MYRF: variants seen among roughly 807,000 people sequenced by gnomAD.
MYRF encodes the protein myelin regulatory factor.
In MYRF, 16 loss-of-function variants were observed where a neutral mutation model predicts 126.3. The observed-to-expected ratio is 0.13, with a 90% CI of 0.09 to 0.19. The LOEUF is 0.19. Among genes scored for constraint, MYRF ranks in the 10% least tolerant of loss-of-function variants. MYRF has a pLI of 1.00. For missense variants in MYRF, 1,104 were observed against 1,547.0 expected (o/e 0.71, Z 4.80); for synonymous variants, 608 against 635.3 (o/e 0.96, Z 0.65).
At chr11:61,760,442 C>T (rs984659472) in intron 1 of MYRF, among the ~76,000 whole-genome samples, 2 of 152,172 alleles carry the variant, frequency 1.3e-5, no homozygotes, top group African/African-American at 4.8e-5. Flanking sequence ...GGCTGACCCA[C>T]TGGAAGGGAT....
chr11:61,769,121 C>T (rs1389962787), intron 3 of MYRF, 139 bp from the exon 4 acceptor site: 3 of 612,696 alleles, frequency 4.9e-6, no homozygotes, highest in East Asian at 5.6e-5. Flanking sequence ...GGAGAAATGC[C>T]CCTAAGGGTG....
intron 7 of MYRF, among the ~76,000 whole-genome samples, chr11:61,773,694 GGT>G (rs2135808848): frequency 6.6e-6 from 1 of 152,274 alleles, no homozygotes; most frequent in South Asian, 2.1e-4. Flanking sequence ...TGGGCCTCAG[GGT>G]CTGGCCCTGC....
At chr11:61,755,505 C>G in intron 1 of MYRF, 2 of 1,580,588 alleles carry the variant, frequency 1.3e-6, no homozygotes, top group Non-Finnish European at 1.7e-6. Flanking sequence ...CGGGACAGGG[C>G]AGTGTCTGAG....
intron 1 of MYRF, among the ~76,000 whole-genome samples, chr11:61,765,176 G>T (rs892789315): frequency 3.3e-5 from 5 of 152,194 alleles, no homozygotes; most frequent in Non-Finnish European, 5.9e-5. Flanking sequence ...GTGCCTGTTG[G>T]GTCCGAGCCA....
rs953486541 is a variant in MYRF at position 61,772,978 on chromosome 11, C to T, written c.1116-989C>T. Among the ~76,000 whole-genome samples the T allele has an allele frequency of 6.0e-5, 9 of 150,834 alleles. No individual in the cohort carries two copies. In the East Asian group the frequency reaches 9.8e-4, roughly 16 times the overall value. ...GTGCCTGGGGACCTGAGTGAGGGTG[C>T]GCTAAGCCACAGGCCAACAGTTGCT... is the stretch of plus-strand genomic sequence containing the variant. On this transcript the variant is annotated intron_variant, in intron 7 of 26. Transcript: ENST00000278836.
Position 61,776,242 on chromosome 11 carries a change from G to C in MYRF, c.1389-80G>C. ...CCAGGGTGTCCGCCTCATGTACGTT[G>C]CTGGCCTGGGTGCCCCTCAGTGGCG... On this transcript the variant is annotated intron_variant, in intron 9 of 26. Transcript: ENST00000278836. The surrounding 1 kb of genome is among the most constrained non-coding windows in gnomAD (Gnocchi z 4.3). The C allele has an allele frequency of 6.4e-7, 1 of 1,563,036 alleles. No homozygotes were observed. Among genetic ancestry groups the C allele is most frequent in the South Asian group, 1.1e-5 (1 of 88,842 alleles).
intron 1 of MYRF, among the ~76,000 whole-genome samples, chr11:61,762,968 G>T (rs887792553): frequency 6.6e-6 from 1 of 152,136 alleles, no homozygotes; most frequent in African/African-American, 2.4e-5. Context: ...TCTGCCTGAG[G>T]CCCCCTATCC....
At position 61,784,333 on chromosome 11, in the gene MYRF, C is replaced by T. The variant is rs531546288; in HGVS notation, c.3248C>T (p.Pro1083Leu). The change falls in exon 25 of 27, where the codon CCA becomes CTA. Residue 1083 changes from proline to leucine, a missense_variant. Around this residue, in one of 10 missense-constraint regions of MYRF, gnomAD observed 94 missense variants for 164.6 expected, o/e 0.57. Transcript: ENST00000278836. ...VLCSLRSKEE[P>L]CEEGSLPQSL... ...TGCAGCCTGAGGTCAAAGGAGGAAC[C>T]ATGTGAGGAGGGGAGCCTTCCACAG... 1.2e-5 allele frequency: 20 copies of T among 1,613,892 alleles called. No homozygotes were observed. The East Asian group carries it at 2.2e-4, about 18-fold the overall frequency.
chr11:61,770,665 G>A (rs988805134), intron 5 of MYRF, 140 bp downstream of exon 5: 84 of 762,320 alleles, frequency 1.1e-4, no homozygotes, highest in Non-Finnish European at 1.6e-4. Flanking sequence ...AGGGCAGATG[G>A]GGGTAACATA....
In MYRF at chr11:61,777,257, G is replaced by C. The variant is rs2066409621; in HGVS notation, c.1591-7G>C. ...CCCAGGACTGATCCAGCCCCAACTC[G>C]CGGTAGGCCTCCAACCCAGGCCAGT... On this transcript the variant is annotated splice_polypyrimidine_tract_variant and splice_region_variant and intron_variant, in intron 11 of 26. Transcript: ENST00000278836. The surrounding 1 kb of genome is among the most constrained non-coding windows in gnomAD (Gnocchi z 8.8). The C allele has an allele frequency of 5.6e-6, 9 of 1,610,160 alleles. No individual in the cohort carries two copies. The highest frequency in any genetic ancestry group is 7.6e-6 in the Non-Finnish European group (9 of 1,179,204).
At chr11:61,763,878 AT>A (rs2065972891) in intron 1 of MYRF, among the ~76,000 whole-genome samples, 1 of 152,202 alleles carries the variant, frequency 6.6e-6, no homozygotes, top group South Asian at 2.1e-4. Context: ...AAAAAAAGAA[AT>A]AAAGTAAAGA....
Position 61,771,759 on chromosome 11 carries a change from C to G in MYRF, c.991+9C>G. 6.2e-7 allele frequency: 1 copy of G among 1,612,278 alleles called. No individual in the cohort carries two copies. Among genetic ancestry groups the G allele is most frequent in the Non-Finnish European group, 8.5e-7 (1 of 1,178,820 alleles). On this transcript the variant is annotated intron_variant, in intron 6 of 26. Transcript: ENST00000278836. ...AGGTGCCCCCTCCCCAGGTACATGG[C>G]TGGCCAACTCTTCAAGGTGGGGTGT...
Position 61,779,506 on chromosome 11 carries a change from G to T in MYRF, c.2183G>T (p.Gly728Val). ...TGSSGAFSHA[G>V]SQFSRAGSVP... The stretch of plus-strand genomic sequence containing the variant: ...TGGCCCTCTTGCTGCAGCCATGCAG[G>T]GAGCCAGTTCAGTCGGGCGGGCAGC... The change falls in exon 16 of 27, where the codon GGG becomes GTG. Residue 728 changes from glycine to valine, a missense_variant. Coordinates refer to ENST00000278836, the MANE Select transcript of MYRF (RefSeq NM_001127392.3). The T allele has an allele frequency of 6.5e-7, 1 of 1,527,918 alleles. No homozygotes were observed. The allele number at this position is 1,527,918 out of a possible 1,614,324, so 94.6% of individuals were successfully genotyped here.
In MYRF at chr11:61,783,790, C is replaced by T; in HGVS notation, c.3120-61C>T. 2 of 1,520,696 alleles carry T rather than the reference C, an allele frequency of 1.3e-6. No individual in the cohort carries two copies. Among genetic ancestry groups the T allele is most frequent in the Admixed American group, 1.9e-5 (1 of 51,372 alleles). The allele number at this position is 1,520,696 out of a possible 1,614,324, so 94.2% of individuals were successfully genotyped here. A position where few individuals can be genotyped will look rare whatever the true frequency, so the allele number is the denominator to read the frequency against. ...GTACAGATTGGGGGCTGAGGAGTCC[C>T]TGGTGGGGGTGGGGGGTGGCAGGGT... On this transcript the variant is annotated intron_variant, in intron 23 of 26. Coordinates refer to ENST00000278836, the MANE Select transcript of MYRF (RefSeq NM_001127392.3). This position sits in a 1 kb window ranked among gnomAD's most constrained non-coding sequence, Gnocchi z 4.6.
At chr11:61,774,560 TGC>T (rs1168069291) in intron 8 of MYRF, among the ~76,000 whole-genome samples, 16 of 150,518 alleles carry the variant, frequency 1.1e-4, no homozygotes, top group Non-Finnish European at 2.1e-4. Context: ...AGCATCTGTG[TGC>T]GTGTGTGTGT....
At chr11:61,767,486 C>T in intron 3 of MYRF, 1 of 454,122 alleles carries the variant, frequency 2.2e-6, no homozygotes, top group Non-Finnish European at 4.4e-6. Flanking sequence ...GGCAGGGCCA[C>T]TCCAGGAAGG....
At chr11:61,782,751 G>C (rs1652182052) in intron 22 of MYRF, 1 of 152,224 alleles carries the variant, frequency 6.6e-6, no homozygotes, top group Non-Finnish European at 1.5e-5. Flanking sequence ...GCCCAGAAGG[G>C]ATGTGGGAAG....
intron 3 of MYRF, 129 bp downstream of exon 3, chr11:61,766,350 G>A: frequency 9.8e-7 from 1 of 1,021,216 alleles, no homozygotes; most frequent in African/African-American, 1.6e-5. Context: ...GGCTGTGCGT[G>A]GGCAGGTGAG....
In MYRF at chr11:61,787,450, C is replaced by G. The variant is rs1043851743; in HGVS notation, c.*1307C>G. On this transcript the variant is annotated 3_prime_UTR_variant, in exon 27 of 27. Transcript: ENST00000278836. ...GGTCCAGAAATGGGAAAGGGAATTG[C>G]TGTCCTTGCCCTGTGGTATGCTGCC... The G allele has an allele frequency of 2.6e-5, 4 of 152,668 alleles. No individual in the cohort carries two copies. Among genetic ancestry groups the G allele is most frequent in the African/African-American group, 9.6e-5 (4 of 41,454 alleles). 9.5% of individuals were successfully genotyped at this position (152,668 alleles called of 1,614,324 possible).
Sources: gnomAD v4.1 joint callset for allele counts (sites outside exome capture counted in the v4.1 genomes callset) on GRCh38, gnomAD v4.1.1 for gene constraint, gnomAD v4.1.1 regional missense constraint, Gnocchi (gnomAD v3.1) non-coding constraint, MANE v1.5 for transcripts, NCBI Gene and HGNC (gene_info 2026-07-23, HGNC 2026-07-21) for gene names.